TINAG: variants seen among roughly 807,000 people sequenced by gnomAD.
TINAG encodes tubulointerstitial nephritis antigen.
A neutral mutation model predicts 72.7 loss-of-function variants in TINAG; 83 were observed. The observed-to-expected ratio is 1.14, with a 90% CI of 0.96 to 1.37. TINAG has a LOEUF of 1.37. Ranked by LOEUF, TINAG falls within the 40% of genes most tolerant of loss-of-function variation. The probability of loss-of-function intolerance (pLI) is 0.00; values close to 1 mark genes in which losing one functional copy is unlikely to be tolerated. For missense variants in TINAG, 685 were observed against 576.6 expected (o/e 1.19, Z -1.93); for synonymous variants, 234 against 189.9 (o/e 1.23, Z -1.91).
intron 9 of TINAG, among the ~76,000 whole-genome samples, chr6:54,378,246 A>G (rs1338432493): frequency 6.6e-6 from 1 of 152,156 alleles, no homozygotes; most frequent in African/African-American, 2.4e-5. Flanking sequence ...TTTTTATACC[A>G]GCACCTTAGT....
rs1256745643 is a variant in TINAG at position 54,339,093 on chromosome 6, A to AT, written c.625-4130dup. ...CTCTGAAATTGAGATGCTTTCTTAC[A>AT]TTTGTTGATGCCTTGGGTTCAATGA... On this transcript the variant is annotated intron_variant, in intron 4 of 10. Transcript: ENST00000259782. Among the ~76,000 whole-genome samples, 3 of 152,202 alleles carry AT rather than the reference A, an allele frequency of 2.0e-5. No homozygotes were observed. The East Asian group carries it at 5.8e-4, about 29-fold the overall frequency.
intron 9 of TINAG, among the ~76,000 whole-genome samples, chr6:54,371,110 C>CTG (rs70983416): frequency 0.33 from 49,073 of 148,916 alleles, 8,372 homozygotes; most frequent in South Asian, 0.42. Context: ...CTTACGAAAA[C>CTG]TGTGTGTGTG....
intron 7 of TINAG, among the ~76,000 whole-genome samples, chr6:54,351,006 G>A (rs1203806420): frequency 6.6e-6 from 1 of 151,790 alleles, no homozygotes; most frequent in East Asian, 2.0e-4. Flanking sequence ...TAAAGCTACT[G>A]AGACATCTAA....
chr6:54,384,156 G>C (rs1764028534), intron 10 of TINAG, among the ~76,000 whole-genome samples: 1 of 152,092 alleles, frequency 6.6e-6, no homozygotes. Flanking sequence ...TGAACAATGA[G>C]AACACATGGA....
At chr6:54,388,764 C>T (rs542376489) in intron 10 of TINAG, among the ~76,000 whole-genome samples, 12 of 152,034 alleles carry the variant, frequency 7.9e-5, no homozygotes, top group Non-Finnish European at 1.6e-4. Flanking sequence ...TCATTTTGGA[C>T]TTACTCCAAC....
chr6:54,307,986 A>G, upstream of TINAG: 1 of 1,510,580 alleles, frequency 6.6e-7, no homozygotes, highest in Non-Finnish European at 9.0e-7. Flanking sequence ...TGGAGTACAG[A>G]TGGGAAATCA....
At position 54,347,410 on chromosome 6, in the gene TINAG, C is replaced by T; in HGVS notation, c.792C>T (p.Tyr264=). The change falls in exon 6 of 11, where the codon TAC becomes TAT. Residue 264 remains tyrosine, a synonymous_variant. Transcript: ENST00000259782. ...DRIAIQSKGR[Y]TANLSPQNLI... is the part of the protein sequence containing the mutation. Reference sequence around the variant, plus strand: ...TAGCAATTCAGTCTAAGGGTCGATACACGGCCAATCTATCCCCTCAGAATT... The same window carrying T: ...TAGCAATTCAGTCTAAGGGTCGATATACGGCCAATCTATCCCCTCAGAATT... 1 of 1,613,220 alleles carries T rather than the reference C, an allele frequency of 6.2e-7. No homozygotes were observed. Among genetic ancestry groups the T allele is most frequent in the Non-Finnish European group, 8.5e-7 (1 of 1,179,544 alleles).
At chr6:54,386,437 G>A (rs1460190745) in intron 10 of TINAG, among the ~76,000 whole-genome samples, 1 of 152,048 alleles carries the variant, frequency 6.6e-6, no homozygotes, top group East Asian at 1.9e-4. Context: ...CCAAGCTCAC[G>A]TGGTTGTTGG....
At chr6:54,317,221 C>A (rs1784391801) in intron 1 of TINAG, among the ~76,000 whole-genome samples, 1 of 151,184 alleles carries the variant, frequency 6.6e-6, no homozygotes. Context: ...TCCATCTCTA[C>A]CATTCTCTCT....
intron 9 of TINAG, among the ~76,000 whole-genome samples, chr6:54,378,860 C>T (rs1197768142): frequency 6.6e-6 from 1 of 152,098 alleles, no homozygotes; most frequent in Non-Finnish European, 1.5e-5. Context: ...TTCATGTTTT[C>T]TCACACCCCA....
At chr6:54,377,047 A>C (rs1039863074) in intron 9 of TINAG, among the ~76,000 whole-genome samples, 2 of 152,112 alleles carry the variant, frequency 1.3e-5, no homozygotes, top group African/African-American at 2.4e-5. Flanking sequence ...AAAAGTTATT[A>C]ATGAGTCTTA....
intron 10 of TINAG, among the ~76,000 whole-genome samples, chr6:54,386,890 A>G (rs1030769877): frequency 6.6e-6 from 1 of 152,206 alleles, no homozygotes; most frequent in Non-Finnish European, 1.5e-5. Context: ...GCACAAAATA[A>G]ACTTTTTAAG....
intron 4 of TINAG, among the ~76,000 whole-genome samples, chr6:54,336,072 A>G (rs1289123646): frequency 6.6e-6 from 1 of 151,984 alleles, no homozygotes; most frequent in Non-Finnish European, 1.5e-5. Context: ...TCATTCCTTT[A>G]GCTTAAGTCA....
chr6:54,342,607 A>T (rs751754474), intron 4 of TINAG, among the ~76,000 whole-genome samples: 74 of 151,950 alleles, frequency 4.9e-4, no homozygotes, highest in Non-Finnish European at 9.9e-4. Flanking sequence ...TGACCTTGTG[A>T]TCCACCCGCC....
intron 3 of TINAG, among the ~76,000 whole-genome samples, chr6:54,324,634 A>T (rs900277604): frequency 2.0e-5 from 3 of 152,302 alleles, no homozygotes; most frequent in Middle Eastern, 3.4e-3. Flanking sequence ...AACTGCAGTG[A>T]TTAACTTCTA....
chr6:54,327,306 C>CAGA (rs1582705336), intron 4 of TINAG: 1 of 957,448 alleles, frequency 1.0e-6, no homozygotes, highest in East Asian at 4.8e-5. Context: ...GGAGGGTGAG[C>CAGA]AGAAGCAGGG....
At position 54,384,417 on chromosome 6, in the gene TINAG, G is replaced by A. The variant is rs149106872; in HGVS notation, c.1296+3846G>A. Reference sequence around the variant, plus strand: ...AGAAAATCACACTCAAACTTTTCACGATCAAACAGCTGAAGATAAAAAATA... The same window carrying A: ...AGAAAATCACACTCAAACTTTTCACAATCAAACAGCTGAAGATAAAAAATA... On this transcript the variant is annotated intron_variant, in intron 10 of 10. Transcript: ENST00000259782. Among the ~76,000 whole-genome samples the A allele has an allele frequency of 3.0e-3, 455 of 152,026 alleles. 2 individuals are homozygous for A. The highest frequency in any genetic ancestry group is 9.9e-3 in the African/African-American group (411 of 41,458).
intron 9 of TINAG, among the ~76,000 whole-genome samples, chr6:54,356,788 T>C (rs1001829400): frequency 2.0e-5 from 3 of 151,116 alleles, no homozygotes; most frequent in African/African-American, 7.3e-5. Flanking sequence ...TGTCTAAATC[T>C]CTCTTCATTT....
At chr6:54,335,277 T>A (rs2150948515) in intron 4 of TINAG, among the ~76,000 whole-genome samples, 1 of 152,312 alleles carries the variant, frequency 6.6e-6, no homozygotes, top group Non-Finnish European at 1.5e-5. Context: ...CCTGGGGATT[T>A]GTTTGCATAA....
Sources: allele counts gnomAD v4.1 joint callset (sites outside exome capture counted in the v4.1 genomes callset), GRCh38; gene constraint gnomAD v4.1.1; transcripts MANE v1.5; gene names NCBI Gene and HGNC (gene_info 2026-07-23, HGNC 2026-07-21).